HEATR4: variants seen among roughly 807,000 people sequenced by gnomAD.
HEATR4 encodes the protein HEAT repeat containing 4.
In HEATR4, 95 loss-of-function variants were observed where a neutral mutation model predicts 108.8. The ratio of observed to expected loss-of-function variants is 0.87; its 90% CI spans 0.74 to 1.04. HEATR4 has a LOEUF of 1.04. Ranked by LOEUF, HEATR4 falls within the 50% of genes least tolerant of loss-of-function variation. HEATR4 has a pLI of 0.00. For missense variants in HEATR4, 1,152 were observed against 1,253.8 expected (o/e 0.92, Z 1.23); for synonymous variants, 443 against 459.4 (o/e 0.96, Z 0.46).
At chr14:73,490,979 C>CCGG (rs1555388060) in intron 17 of HEATR4, 574 of 1,321,398 alleles carry the variant, frequency 4.3e-4, no homozygotes, top group Middle Eastern at 5.5e-4. Context: ...TAGCTTCGCC[C>CCGG]CCGGCCGGCC....
the HEATR4 span, among the ~76,000 whole-genome samples, chr14:73,579,136 ATCC>A: frequency 2.0e-5 from 3 of 150,550 alleles, no homozygotes; most frequent in Non-Finnish European, 3.0e-5. Flanking sequence ...TGCGCCTGTA[ATCC>A]CAGCTACTTG....
At chr14:73,570,903 TAAA>T in the HEATR4 span, among the ~76,000 whole-genome samples, 2,061 of 137,246 alleles carry the variant, frequency 0.015, 30 homozygotes, top group African/African-American at 0.05. Flanking sequence ...GACTCTATCT[TAAA>T]AAAAAAAAAA....
rs1002781793 is a variant in HEATR4 at position 73,556,879 on chromosome 14, G to T, written c.-152+1872C>A. On this transcript the variant is annotated intron_variant, in intron 1 of 17. Transcript: ENST00000553558. ...ACAGTTAGATGCACTGGGCGCTTCG[G>T]GAAGAATTTAGGGCTATGGGGTACT... is the stretch of plus-strand genomic sequence containing the variant. Among the ~76,000 whole-genome samples the T allele has an allele frequency of 7.0e-5, 8 of 113,758 alleles. 2 individuals carry two copies. The highest frequency in any genetic ancestry group is 2.3e-4 in the African/African-American group (8 of 35,252). 74.6% of individuals were successfully genotyped at this position (113,758 alleles called of 152,430 possible). A position where few individuals can be genotyped will look rare whatever the true frequency, so the allele number is the denominator to read the frequency against.
the HEATR4 span, among the ~76,000 whole-genome samples, chr14:73,608,002 G>C: frequency 6.6e-6 from 1 of 151,666 alleles, no homozygotes; most frequent in Non-Finnish European, 1.5e-5. Flanking sequence ...TTGACTCACT[G>C]CAAGCTCCGC....
At position 73,541,693 on chromosome 14, in the gene HEATR4, G is replaced by A. The variant is rs1158561975; in HGVS notation, c.-151-11449C>T. The stretch of plus-strand genomic sequence containing the variant: ...TGTGAACTACTTGCTCAGTCATCCT[G>A]AGGTGAGTTCTTCTCTCAGATTTAT... On this transcript the variant is annotated intron_variant, in intron 1 of 17. Transcript: ENST00000553558. 4.0e-6 allele frequency: 5 copies of A among 1,243,182 alleles called. 1 individual carries two copies. The highest frequency in any genetic ancestry group is 5.3e-6 in the Non-Finnish European group (5 of 935,148). 77.0% of individuals were successfully genotyped at this position (1,243,182 alleles called of 1,614,324 possible). A position where few individuals can be genotyped will look rare whatever the true frequency, so the allele number is the denominator to read the frequency against.
chr14:73,490,966 C>G lies in HEATR4; in HGVS notation c.2844+2100G>C. On this transcript the variant is annotated intron_variant, in intron 17 of 17. Coordinates refer to ENST00000553558, the MANE Select transcript of HEATR4 (RefSeq NM_001220484.1). ...CCGCAGCCGCTGCATTCAGGAACCG[C>G]TTTAGCTTCGCCCCCGGCCGGCCGG... 7 of 1,309,242 alleles carry G rather than the reference C, an allele frequency of 5.3e-6. No homozygotes were observed. In the South Asian group the frequency reaches 7.0e-5, roughly 13 times the overall value. 81.1% of individuals were successfully genotyped at this position (1,309,242 alleles called of 1,614,324 possible).
the HEATR4 span, chr14:73,612,706 C>T: frequency 3.6e-6 from 5 of 1,395,102 alleles, no homozygotes; most frequent in Non-Finnish European, 4.6e-6. Flanking sequence ...AGGGCGCGCT[C>T]TTCCGGGCCC....
chr14:73,581,494 CA>C, the HEATR4 span: 52 of 151,972 alleles, frequency 3.4e-4, no homozygotes, highest in African/African-American at 1.2e-3. Flanking sequence ...TCAGGGGCTC[CA>C]GGCCTCAATA....
the HEATR4 span, among the ~76,000 whole-genome samples, chr14:73,566,042 G>A: frequency 2.0e-5 from 3 of 151,978 alleles, no homozygotes; most frequent in Admixed American, 1.3e-4. Context: ...CACCAGAATA[G>A]TTAGATACAG....
intron 17 of HEATR4, chr14:73,490,948 C>T (rs1025439698): frequency 3.3e-5 from 42 of 1,284,008 alleles, no homozygotes; most frequent in Admixed American, 4.0e-5. Flanking sequence ...GCACCGCAGC[C>T]GCTGCATTCA....
In HEATR4 at chr14:73,548,104, T is replaced by G. The variant is rs1054323014; in HGVS notation, c.-152+10647A>C. On this transcript the variant is annotated intron_variant, in intron 1 of 17. Coordinates refer to ENST00000553558, the MANE Select transcript of HEATR4 (RefSeq NM_001220484.1). ...CCACCATGCCCAGCTAATTTTTAATTTTTTGCAGAAACAGGGTCTTATTAT... is the reference window on the plus strand; with the variant it reads ...CCACCATGCCCAGCTAATTTTTAATGTTTTGCAGAAACAGGGTCTTATTAT... Among the ~76,000 whole-genome samples the G allele has an allele frequency of 1.2e-4, 14 of 114,408 alleles. 4 individuals carry two copies. Among genetic ancestry groups the G allele is most frequent in the Non-Finnish European group, 2.7e-4 (14 of 52,526 alleles). 75.1% of individuals were successfully genotyped at this position (114,408 alleles called of 152,430 possible).
chr14:73,520,820 G>A, intron 4 of HEATR4, 32 bp downstream of exon 4: 1 of 1,589,318 alleles, frequency 6.3e-7, no homozygotes, highest in Non-Finnish European at 8.6e-7. Context: ...ATGTCCCCGT[G>A]TGCCCCTACC....
At chr14:73,592,485 T>C in the HEATR4 span, 1 of 1,413,634 alleles carries the variant, frequency 7.1e-7, no homozygotes. Flanking sequence ...CCAGTGCTGA[T>C]TTAGCACTGG....
the HEATR4 span, among the ~76,000 whole-genome samples, chr14:73,587,143 A>C: frequency 2.7e-4 from 7 of 25,974 alleles, no homozygotes; most frequent in South Asian, 4.4e-3. Context: ...AAAAAAAAAC[A>C]AAAACAAAAA....
At chr14:73,600,155 G>A in the HEATR4 span, among the ~76,000 whole-genome samples, 1 of 152,128 alleles carries the variant, frequency 6.6e-6, no homozygotes, top group East Asian at 1.9e-4. Context: ...GTTCAAAAAT[G>A]GGGAAAATGT....
At chr14:73,524,320 T>A (rs1189643448) in intron 2 of HEATR4, among the ~76,000 whole-genome samples, 1,289 of 125,998 alleles carry the variant, frequency 0.01, 11 homozygotes, top group Non-Finnish European at 0.016. Context: ...AATATATATA[T>A]ATATATATAT....
chr14:73,493,063 T>TA lies in HEATR4; in HGVS notation c.2844+2dup. ...TGATAAGCATCAGTGTGCTCACATT[T>TA]ACCTTTATCACTGCTTCAGTGTCAC... On this transcript the variant is annotated splice_region_variant and intron_variant, in intron 17 of 17. Transcript: ENST00000553558. The TA allele has an allele frequency of 6.2e-7, 1 of 1,612,752 alleles. No homozygotes were observed. The highest frequency in any genetic ancestry group is 2.2e-5 in the East Asian group (1 of 44,830).
chr14:73,607,281 G>A, the HEATR4 span, among the ~76,000 whole-genome samples: 1 of 152,210 alleles, frequency 6.6e-6, no homozygotes, highest in Non-Finnish European at 1.5e-5. Flanking sequence ...CTGCACTCCA[G>A]TCTGGGTGAC....
chr14:73,605,251 T>C, the HEATR4 span, among the ~76,000 whole-genome samples: 4 of 152,156 alleles, frequency 2.6e-5, no homozygotes, highest in Non-Finnish European at 4.4e-5. Flanking sequence ...TTTAAATGTC[T>C]TATTACCCGA....
Sources: gnomAD v4.1 joint callset for allele counts (sites outside exome capture counted in the v4.1 genomes callset) on GRCh38, gnomAD v4.1.1 for gene constraint, MANE v1.5 for transcripts, NCBI Gene and HGNC (gene_info 2026-07-23, HGNC 2026-07-21) for gene names.